Variants in PXDN observed in about 807,000 individuals in gnomAD.
PXDN encodes peroxidasin homolog.
PXDN carries 77 observed loss-of-function variants against 140.3 expected under a neutral mutation model. The observed-to-expected ratio is 0.55, with a 90% CI of 0.46 to 0.66. The LOEUF (loss-of-function observed/expected upper bound fraction) is 0.66, where lower values mean the gene tolerates loss of function less well. Among genes scored for constraint, PXDN ranks in the 30% least tolerant of loss-of-function variants. The pLI is 0.00. For synonymous variants in PXDN, 911 were observed against 857.4 expected (o/e 1.06, Z -1.09); for missense variants, 1,838 against 2,039.5 (o/e 0.90, Z 1.90).
At chr2:1,742,490 C>T (rs181890278) in intron 1 of PXDN, among the ~76,000 whole-genome samples, 112 of 152,336 alleles carry the variant, frequency 7.4e-4, no homozygotes, top group African/African-American at 2.6e-3. Context: ...ACGAGCACAC[C>T]ATGCAAAGCG....
chr2:1,711,105 C>A (rs568162517), intron 1 of PXDN, among the ~76,000 whole-genome samples: 7 of 88,060 alleles, frequency 7.9e-5, no homozygotes, highest in Admixed American at 2.2e-4. Context: ...CCACTAGCAC[C>A]CACTCCACCA....
intron 1 of PXDN, among the ~76,000 whole-genome samples, chr2:1,717,442 A>G (rs939714255): frequency 6.6e-6 from 1 of 152,176 alleles, no homozygotes; most frequent in African/African-American, 2.4e-5. Context: ...CCAGGAAACA[A>G]TGGGTCCACA....
chr2:1,681,277 A>G (rs1268486322), intron 6 of PXDN, among the ~76,000 whole-genome samples: 1 of 150,918 alleles, frequency 6.6e-6, no homozygotes, highest in African/African-American at 2.4e-5. Flanking sequence ...CAGGAAACAC[A>G]CTATCTTGCT....
At position 1,687,867 on chromosome 2, in the gene PXDN, C is replaced by A. The variant is rs1684097310; in HGVS notation, c.345-164G>T. On this transcript the variant is annotated intron_variant, in intron 3 of 22. Coordinates refer to ENST00000252804, the MANE Select transcript of PXDN (RefSeq NM_012293.3). This position sits in a 1 kb window ranked among gnomAD's most constrained non-coding sequence, Gnocchi z 4.0. ...GTGAGTACAGTGCCTCTCCCAAGGGCTTCCCTTCCCTCAGATCTCAAGGGG... is the reference window on the plus strand; with the variant it reads ...GTGAGTACAGTGCCTCTCCCAAGGGATTCCCTTCCCTCAGATCTCAAGGGG... Among the ~76,000 whole-genome samples, 1 of 152,166 alleles carries A rather than the reference C, an allele frequency of 6.6e-6. No individual in the cohort carries two copies. The highest frequency in any genetic ancestry group is 6.5e-5 in the Admixed American group (1 of 15,270).
At chr2:1,652,220 C>G (rs1383394902) in intron 16 of PXDN, among the ~76,000 whole-genome samples, 2 of 152,116 alleles carry the variant, frequency 1.3e-5, no homozygotes, top group Non-Finnish European at 2.9e-5. Context: ...GGCGGCAGAA[C>G]CCACTTGCTG....
chr2:1,671,296 CAT>C (rs1683568743), intron 9 of PXDN, among the ~76,000 whole-genome samples: 1 of 152,016 alleles, frequency 6.6e-6, no homozygotes, highest in African/African-American at 2.4e-5. Context: ...AAGCAAGAAA[CAT>C]AGAAAAGTTT....
At chr2:1,667,557 C>T (rs1363115794) in intron 9 of PXDN, among the ~76,000 whole-genome samples, 1 of 152,184 alleles carries the variant, frequency 6.6e-6, no homozygotes, top group Non-Finnish European at 1.5e-5. Context: ...AAAACTCCAA[C>T]ATCTCAGCCC....
intron 14 of PXDN, among the ~76,000 whole-genome samples, chr2:1,655,551 C>T (rs899271601): frequency 4.6e-5 from 7 of 151,358 alleles, no homozygotes; most frequent in African/African-American, 1.7e-4. Context: ...ATCTGCCCCT[C>T]CTGACAGCAA....
intron 16 of PXDN, among the ~76,000 whole-genome samples, chr2:1,652,829 G>A (rs1346244043): frequency 1.3e-5 from 2 of 151,982 alleles, no homozygotes; most frequent in Non-Finnish European, 2.9e-5. Flanking sequence ...TGCTCTAATC[G>A]TAAAAGTTAT....
At chr2:1,655,728 A>C (rs1205158703) in intron 14 of PXDN, among the ~76,000 whole-genome samples, 2 of 106,984 alleles carry the variant, frequency 1.9e-5, no homozygotes, top group East Asian at 3.2e-4. Context: ...TGACTGAAAC[A>C]TGCCCCCTTC....
intron 1 of PXDN, among the ~76,000 whole-genome samples, chr2:1,702,255 C>T (rs932636509): frequency 3.3e-5 from 5 of 152,138 alleles, no homozygotes; most frequent in South Asian, 2.1e-4. Context: ...TTCCAGGCAA[C>T]GGGAATTGGG....
chr2:1,655,036 C>CCACACA (rs1003520961), intron 14 of PXDN, among the ~76,000 whole-genome samples: 3 of 151,416 alleles, frequency 2.0e-5, no homozygotes, highest in African/African-American at 7.3e-5. Flanking sequence ...ACACCACACA[C>CCACACA]CACACACACA....
At chr2:1,658,083 T>TCTCTCCCTCCCC (rs1553359700) in intron 14 of PXDN, among the ~76,000 whole-genome samples, 1 of 77,700 alleles carries the variant, frequency 1.3e-5, no homozygotes, top group African/African-American at 5.7e-5. Context: ...TCTCTCTCTC[T>TCTCTCCCTCCCC]CTCTCTCTCT....
At chr2:1,744,622 G>A (rs1685650344), upstream of PXDN, 5 of 582,482 alleles carry the variant, frequency 8.6e-6, no homozygotes, top group Admixed American at 4.8e-5. Flanking sequence ...CCGAGGGCGG[G>A]GCGGGGCGAG....
At chr2:1,646,679 A>G (rs1682856717) in intron 17 of PXDN, among the ~76,000 whole-genome samples, 1 of 152,226 alleles carries the variant, frequency 6.6e-6, no homozygotes, top group Non-Finnish European at 1.5e-5. Flanking sequence ...CTAACAGGGT[A>G]TGTCCTAACT....
At chr2:1,698,451 G>A (rs1313416434) in intron 1 of PXDN, among the ~76,000 whole-genome samples, 1 of 152,142 alleles carries the variant, frequency 6.6e-6, no homozygotes, top group Non-Finnish European at 1.5e-5. Context: ...AAATGGTCGA[G>A]CACACTAAGG....
intron 1 of PXDN, among the ~76,000 whole-genome samples, chr2:1,710,412 T>C (rs1322721965): frequency 6.6e-6 from 1 of 152,100 alleles, no homozygotes; most frequent in Non-Finnish European, 1.5e-5. Flanking sequence ...GGTGGTGGTA[T>C]TAGGAGGTGT....
intron 1 of PXDN, among the ~76,000 whole-genome samples, chr2:1,725,493 T>A (rs1039150004): frequency 1.3e-5 from 2 of 151,818 alleles, no homozygotes; most frequent in South Asian, 2.1e-4. Flanking sequence ...AACCTAGGCA[T>A]TACCATTCAG....
chr2:1,646,736 A>G (rs1169621241), intron 17 of PXDN, among the ~76,000 whole-genome samples: 1 of 152,228 alleles, frequency 6.6e-6, no homozygotes, highest in African/African-American at 2.4e-5. Context: ...CATCAAATAC[A>G]GGAAGACAGT....
Sources: gnomAD v4.1 joint callset for allele counts (sites outside exome capture counted in the v4.1 genomes callset) on GRCh38, gnomAD v4.1.1 for gene constraint, Gnocchi (gnomAD v3.1) non-coding constraint, MANE v1.5 for transcripts, NCBI Gene and HGNC (gene_info 2026-07-23, HGNC 2026-07-21) for gene names.